ZNF316: variants seen among roughly 807,000 people sequenced by gnomAD.
ZNF316 encodes the protein zinc finger protein 316.
In ZNF316, 23 loss-of-function variants were observed where a neutral mutation model predicts 75.6. The observed-to-expected ratio is 0.30, with a 90% CI of 0.22 to 0.43. ZNF316 has a LOEUF of 0.43. Ranked by LOEUF, ZNF316 falls within the 20% of genes least tolerant of loss-of-function variation. ZNF316 has a pLI of 1.00. For missense variants in ZNF316, 1,266 were observed against 1,409.4 expected, an observed-to-expected ratio of 0.90 and a Z score of 1.63; for synonymous variants, 827 against 666.2, an observed-to-expected ratio of 1.24 and a Z score of -3.72.
In ZNF316 at chr7:6,656,983, C is replaced by G. The variant is rs1332093228; in HGVS notation, c.*2372C>G. On this transcript the variant is annotated 3_prime_UTR_variant, in exon 9 of 9. Coordinates refer to ENST00000382252, the MANE Select transcript of ZNF316 (RefSeq NM_001278559.2). ...TCTGAAAAATAAGAACTGCTGTAAT[C>G]AAATGTGATCTGGAGGCATCAGAAC... Among the ~76,000 whole-genome samples the G allele has an allele frequency of 6.6e-6, 1 of 152,160 alleles. No homozygotes were observed. The highest frequency in any genetic ancestry group is 1.5e-5 in the Non-Finnish European group (1 of 68,028).
At position 6,637,359 on chromosome 7, in the gene ZNF316, C is replaced by T. The variant is rs1051652608; in HGVS notation, c.-519C>T. 5.6e-4 allele frequency: 84 copies of T among 149,642 alleles called. No homozygotes were observed. The highest frequency in any genetic ancestry group is 2.3e-3 in the Admixed American group (34 of 15,068). 9.3% of individuals were successfully genotyped at this position (149,642 alleles called of 1,614,324 possible). On this transcript the variant is annotated 5_prime_UTR_variant, in exon 1 of 9. Coordinates refer to ENST00000382252, the MANE Select transcript of ZNF316 (RefSeq NM_001278559.2). This position sits in a 1 kb window ranked among gnomAD's most constrained non-coding sequence, Gnocchi z 6.2. ...CGCCGCCGTCGCGCAGCTCCCGGGC[C>T]GTCACTTTGTGTAGCGCGGGGTCCG...
In ZNF316 at chr7:6,653,479, A is replaced by G; in HGVS notation, c.1883A>G (p.Asp628Gly). 2 of 1,225,464 alleles carry G rather than the reference A, an allele frequency of 1.6e-6. No homozygotes were observed. The highest frequency in any genetic ancestry group is 2.0e-6 in the Non-Finnish European group (2 of 984,364). 75.9% of individuals were successfully genotyped at this position (1,225,464 alleles called of 1,614,324 possible). Residue 628 changes from aspartate to glycine, a missense_variant, in exon 9 of 9, where the codon GAC becomes GGC. Physicochemically the swap from Asp to Gly is moderately conservative, Grantham distance 94. This residue lies in a region of ZNF316 where 961 missense variants were observed against 990.9 expected (regional missense o/e 0.97). Coordinates refer to ENST00000382252, the MANE Select transcript of ZNF316 (RefSeq NM_001278559.2). ...LPDFRERLPV[D>G]GRPLPAPLGG... The stretch of plus-strand genomic sequence containing the variant: ...GACTTCCGAGAGCGGCTGCCGGTCG[A>G]CGGGCGCCCGCTCCCGGCGCCCCTG...
chr7:6,644,727 T>A, intron 8 of ZNF316, 134 bp downstream of exon 8: 1 of 428,520 alleles, frequency 2.3e-6, no homozygotes, highest in Non-Finnish European at 3.9e-6. Context: ...GCCGCCTGGC[T>A]CCTGGTGGTT....
In ZNF316 at chr7:6,642,478, G is replaced by T. The variant is rs909468029; in HGVS notation, c.69G>T (p.Glu23Asp). 2 of 1,233,308 alleles carry T rather than the reference G, an allele frequency of 1.6e-6. No homozygotes were observed. The highest frequency in any genetic ancestry group is 1.0e-6 in the Non-Finnish European group (1 of 988,712). The allele number at this position is 1,233,308 out of a possible 1,614,324, so 76.4% of individuals were successfully genotyped here. A position where few individuals can be genotyped will look rare whatever the true frequency, so the allele number is the denominator to read the frequency against. The change falls in exon 5 of 9, where the codon GAG becomes GAT. Residue 23 changes from glutamate (E) to aspartate (D), a missense_variant. By Grantham distance (45) the Glu-to-Asp change is conservative (BLOSUM62 2). Around this residue, in one of 3 missense-constraint regions of ZNF316, gnomAD observed 961 missense variants for 990.9 expected, o/e 0.97. Coordinates refer to ENST00000382252, the MANE Select transcript of ZNF316 (RefSeq NM_001278559.2). The surrounding 1 kb of genome is among the most constrained non-coding windows in gnomAD (Gnocchi z 8.1). ...AQLERAEDGS[E>D]CDPDQEEEEE... is the part of the protein sequence containing the mutation. Reference sequence around the variant, plus strand: ...TGGAGCGGGCAGAGGACGGGTCAGAGTGCGACCCTGACCAGGAAGAAGAGG... The same window carrying T: ...TGGAGCGGGCAGAGGACGGGTCAGATTGCGACCCTGACCAGGAAGAAGAGG...
At chr7:6,643,130 C>T in intron 6 of ZNF316, 57 bp downstream of exon 6, 1 of 1,231,662 alleles carries the variant, frequency 8.1e-7, no homozygotes, top group Non-Finnish European at 1.0e-6. Context: ...TCCCCCGGGG[C>T]CTCGGCACCT....
At chr7:6,650,745 C>G (rs1331061394) in intron 8 of ZNF316, among the ~76,000 whole-genome samples, 1 of 152,154 alleles carries the variant, frequency 6.6e-6, no homozygotes, top group African/African-American at 2.4e-5. Context: ...GCTGTGGGAG[C>G]TGGAACCTTC....
At chr7:6,643,160 T>C in intron 6 of ZNF316, 87 bp downstream of exon 6, 1 of 1,226,382 alleles carries the variant, frequency 8.2e-7, no homozygotes, top group Non-Finnish European at 1.0e-6. Context: ...AGGCGTCTGT[T>C]GGCAGCGGCC....
Position 6,652,986 on chromosome 7 carries a change from C to T in ZNF316, c.1390C>T (p.Arg464Cys), listed in dbSNP as rs1158988175. ...ERPYPCSHCG[R>C]SFSQSSALAR... ...ACCCTACCCGTGTTCGCACTGCGGCCGCAGCTTCAGCCAGAGCTCGGCGCT... is the reference window on the plus strand; with the variant it reads ...ACCCTACCCGTGTTCGCACTGCGGCTGCAGCTTCAGCCAGAGCTCGGCGCT... The change falls in exon 9 of 9, where the codon CGC becomes TGC. Residue 464 changes from arginine (R) to cysteine (C), a missense_variant. Physicochemically the swap from Arg to Cys is radical, Grantham distance 180 (BLOSUM62 -3). Around this residue, in one of 3 missense-constraint regions of ZNF316, gnomAD observed 961 missense variants for 990.9 expected, o/e 0.97. Coordinates refer to ENST00000382252, the MANE Select transcript of ZNF316 (RefSeq NM_001278559.2). The T allele has an allele frequency of 2.4e-6, 3 of 1,233,818 alleles. No homozygotes were observed. The highest frequency in any genetic ancestry group is 3.0e-6 in the Non-Finnish European group (3 of 988,004). 76.4% of individuals were successfully genotyped at this position (1,233,818 alleles called of 1,614,324 possible).
Position 6,653,198 on chromosome 7 carries a change from C to A in ZNF316, c.1602C>A (p.Asp534Glu), listed in dbSNP as rs1237885379. 2.5e-6 allele frequency: 3 copies of A among 1,219,336 alleles called. No homozygotes were observed. Among genetic ancestry groups the A allele is most frequent in the East Asian group, 6.5e-5 (2 of 30,788 alleles). 75.5% of individuals were successfully genotyped at this position (1,219,336 alleles called of 1,614,324 possible). Reference protein sequence around the residue: ...TAAAAGPEDTDPGPEGSEVGE... With the variant: ...TAAAAGPEDTEPGPEGSEVGE... ...CCGCCGCGGGGCCCGAGGACACGGACCCTGGGCCAGAGGGATCTGAAGTTG... is the reference window on the plus strand; with the variant it reads ...CCGCCGCGGGGCCCGAGGACACGGAACCTGGGCCAGAGGGATCTGAAGTTG... The change falls in exon 9 of 9, where the codon GAC becomes GAA. Residue 534 changes from aspartate to glutamate, a missense_variant. Transcript: ENST00000382252.
chr7:6,644,554 C>T lies in ZNF316; in HGVS notation c.667C>T (p.Arg223Ter). The change falls in exon 8 of 9, where the codon CGA (arginine) becomes TGA (stop). Residue 223 changes from arginine to a stop codon, truncating the protein, a stop_gained. Coordinates refer to ENST00000382252, the MANE Select transcript of ZNF316 (RefSeq NM_001278559.2). LOFTEE classifies it high-confidence loss of function. ...GEEPWVPDSP[R>*]PEEGDIVTGV... ...AGAACCTTGGGTCCCAGATAGTCCC[C>T]GACCTGAGGAAGGAGACATCGTCAC... is the stretch of plus-strand genomic sequence containing the variant. 8.1e-7 allele frequency: 1 copy of T among 1,232,346 alleles called. No homozygotes were observed. Among genetic ancestry groups the T allele is most frequent in the Non-Finnish European group, 1.0e-6 (1 of 988,038 alleles). 76.3% of individuals were successfully genotyped at this position (1,232,346 alleles called of 1,614,324 possible).
Position 6,654,508 on chromosome 7 carries a change from G to A in ZNF316, c.2912G>A (p.Arg971His). 1 of 1,176,578 alleles carries A rather than the reference G, an allele frequency of 8.5e-7. No individual in the cohort carries two copies. The highest frequency in any genetic ancestry group is 1.6e-5 in the African/African-American group (1 of 62,004). The allele number at this position is 1,176,578 out of a possible 1,614,324, so 72.9% of individuals were successfully genotyped here. A position where few individuals can be genotyped will look rare whatever the true frequency, so the allele number is the denominator to read the frequency against. ...KGPSSAGPGERGSALLEFAGG... is the reference protein window; with the variant it reads ...KGPSSAGPGEHGSALLEFAGG... ...CCGTCCAGTGCCGGCCCCGGTGAGC[G>A]CGGCAGCGCCCTGCTGGAGTTCGCG... Residue 971 changes from arginine (R) to histidine (H), a missense_variant, in exon 9 of 9, where the codon CGC becomes CAC. Coordinates refer to ENST00000382252, the MANE Select transcript of ZNF316 (RefSeq NM_001278559.2).
intron 8 of ZNF316, among the ~76,000 whole-genome samples, chr7:6,646,610 G>T (rs1779408858): frequency 6.6e-6 from 1 of 151,996 alleles, no homozygotes; most frequent in Admixed American, 6.5e-5. Flanking sequence ...GCAGGCCTGG[G>T]ATGCCCCCCG....
Position 6,654,822 on chromosome 7 carries a change from G to T in ZNF316, c.*211G>T. ...TGGGGGAGCTCTGGGGAGAAGAGCA[G>T]CGCGGAGGCAGCGAGGCCAGGACGT... is the stretch of plus-strand genomic sequence containing the variant. On this transcript the variant is annotated 3_prime_UTR_variant, in exon 9 of 9. Coordinates refer to ENST00000382252, the MANE Select transcript of ZNF316 (RefSeq NM_001278559.2). 2.8e-6 allele frequency: 1 copy of T among 351,042 alleles called. No individual in the cohort carries two copies. The highest frequency in any genetic ancestry group is 4.7e-6 in the Non-Finnish European group (1 of 211,806). The allele number at this position is 351,042 out of a possible 1,614,324, so 21.7% of individuals were successfully genotyped here. A position where few individuals can be genotyped will look rare whatever the true frequency, so the allele number is the denominator to read the frequency against.
Position 6,642,490 on chromosome 7 carries a change from C to G in ZNF316, c.81C>G (p.Asp27Glu). 8.1e-7 allele frequency: 1 copy of G among 1,233,066 alleles called. No homozygotes were observed. The highest frequency in any genetic ancestry group is 1.0e-6 in the Non-Finnish European group (1 of 988,780). 76.4% of individuals were successfully genotyped at this position (1,233,066 alleles called of 1,614,324 possible). Residue 27 changes from aspartate to glutamate, a missense_variant, in exon 5 of 9, where the codon GAC (aspartate) becomes GAG (glutamate). Physicochemically the swap from Asp to Glu is conservative, Grantham distance 45. This residue lies in a region of ZNF316 where 961 missense variants were observed against 990.9 expected (regional missense o/e 0.97). Transcript: ENST00000382252. The surrounding 1 kb of genome is among the most constrained non-coding windows in gnomAD (Gnocchi z 8.1). Reference sequence around the variant, plus strand: ...AGGACGGGTCAGAGTGCGACCCTGACCAGGAAGAAGAGGAGGAGGAGGAGG... The same window carrying G: ...AGGACGGGTCAGAGTGCGACCCTGAGCAGGAAGAAGAGGAGGAGGAGGAGG... Reference protein sequence around the residue: ...RAEDGSECDPDQEEEEEEEEK... With the variant: ...RAEDGSECDPEQEEEEEEEEK...
At chr7:6,645,570 G>A (rs7802031) in intron 8 of ZNF316, among the ~76,000 whole-genome samples, 2,756 of 151,936 alleles carry the variant, frequency 0.018, 93 homozygotes, top group African/African-American at 0.064. Flanking sequence ...TGTAGTCCCA[G>A]CTACTCGGGA....
rs573983945 is a variant in ZNF316, at chr7:6,648,527, C to T, written c.707-3776C>T. ...AGTGGAGGTGCTTCTGCAGCCGCAT[C>T]GCAGGTGTTTACGGATGTGCATTTC... is the stretch of plus-strand genomic sequence containing the variant. On this transcript the variant is annotated intron_variant, in intron 8 of 8. Coordinates refer to ENST00000382252, the MANE Select transcript of ZNF316 (RefSeq NM_001278559.2). Among the ~76,000 whole-genome samples, 5 of 152,308 alleles carry T rather than the reference C, an allele frequency of 3.3e-5. 1 individual carries two copies. The East Asian group carries it at 7.7e-4, about 24-fold the overall frequency.
chr7:6,650,052 C>T (rs191793574), intron 8 of ZNF316, among the ~76,000 whole-genome samples: 1 of 152,294 alleles, frequency 6.6e-6, no homozygotes, highest in African/African-American at 2.4e-5. Flanking sequence ...TCCTGAGGTA[C>T]CGATGCACCC....
Position 6,642,444 on chromosome 7 carries a change from C to G in ZNF316, c.35C>G (p.Ala12Gly). 1 of 1,232,272 alleles carries G rather than the reference C, an allele frequency of 8.1e-7. No individual in the cohort carries two copies. Among genetic ancestry groups the G allele is most frequent in the Non-Finnish European group, 1.0e-6 (1 of 988,062 alleles). The allele number at this position is 1,232,272 out of a possible 1,614,324, so 76.3% of individuals were successfully genotyped here. ...AALHTTPDSP[A>G]AQLERAEDGS... ...CTCCACACGACTCCCGACTCCCCAG[C>G]TGCCCAGCTGGAGCGGGCAGAGGAC... The change falls in exon 5 of 9, where the codon GCT becomes GGT. Residue 12 changes from alanine (A) to glycine (G), a missense_variant. Ala to Gly is a moderately conservative substitution (Grantham distance 60, BLOSUM62 0). Around this residue, in one of 3 missense-constraint regions of ZNF316, gnomAD observed 961 missense variants for 990.9 expected, o/e 0.97. Coordinates refer to ENST00000382252, the MANE Select transcript of ZNF316 (RefSeq NM_001278559.2). The surrounding 1 kb of genome is among the most constrained non-coding windows in gnomAD (Gnocchi z 8.1).
rs555355863 is a variant in ZNF316 at position 6,657,248 on chromosome 7, C to A, written c.*2637C>A. ...TGATCTTGTGATCTGCCTGTCTTGG[C>A]CTTCCAAAGTGCTGGGATTGCAGGT... On this transcript the variant is annotated 3_prime_UTR_variant, in exon 9 of 9. Coordinates refer to ENST00000382252, the MANE Select transcript of ZNF316 (RefSeq NM_001278559.2). Among the ~76,000 whole-genome samples the A allele has an allele frequency of 1.4e-5, 2 of 144,124 alleles. No homozygotes were observed. The highest frequency in any genetic ancestry group is 3.0e-5 in the Non-Finnish European group (2 of 67,398). 94.6% of individuals were successfully genotyped at this position (144,124 alleles called of 152,430 possible).
Sources: gnomAD v4.1 joint callset for allele counts (sites outside exome capture counted in the v4.1 genomes callset) on GRCh38, gnomAD v4.1.1 for gene constraint, gnomAD v4.1.1 regional missense constraint, Gnocchi (gnomAD v3.1) non-coding constraint, MANE v1.5 for transcripts, NCBI Gene and HGNC (gene_info 2026-07-23, HGNC 2026-07-21) for gene names.